The following SPMIP2 variants were observed in gnomAD, a reference collection of about 807,000 sequenced individuals.
SPMIP2 encodes sperm microtubule inner protein 2, also known as protein SPMIP2.
At chr4:159,028,113 T>C in the SPMIP2 span, among the ~76,000 whole-genome samples, 1 of 152,192 alleles carries the variant, frequency 6.6e-6, no homozygotes, top group African/African-American at 2.4e-5. Context: ...CCATCCTTCT[T>C]ACAAGGCTGT....
chr4:159,079,186 T>A, the SPMIP2 span, among the ~76,000 whole-genome samples: 2 of 152,076 alleles, frequency 1.3e-5, no homozygotes, highest in Non-Finnish European at 2.9e-5. Flanking sequence ...TGTGTTTGTG[T>A]CCCTCCCAAA....
At chr4:159,006,577 T>C in the SPMIP2 span, among the ~76,000 whole-genome samples, 40 of 152,304 alleles carry the variant, frequency 2.6e-4, no homozygotes, top group African/African-American at 8.9e-4. Context: ...TTCAACCTAA[T>C]ACTCATTTTT....
the SPMIP2 span, among the ~76,000 whole-genome samples, chr4:158,975,914 ATTC>A: frequency 6.6e-6 from 1 of 152,042 alleles, no homozygotes. Flanking sequence ...CATGATATTG[ATTC>A]TTGTTATCCA....
chr4:158,964,195 A>C, the SPMIP2 span, among the ~76,000 whole-genome samples: 1 of 150,190 alleles, frequency 6.7e-6, no homozygotes. Context: ...AACAAAAAAC[A>C]TGTGGAGGGA....
At chr4:158,999,533 G>A in the SPMIP2 span, among the ~76,000 whole-genome samples, 3 of 152,170 alleles carry the variant, frequency 2.0e-5, no homozygotes, top group Non-Finnish European at 4.4e-5. Flanking sequence ...CCTGCTATCT[G>A]GATTATTGAG....
the SPMIP2 span, among the ~76,000 whole-genome samples, chr4:158,926,473 A>G: frequency 2.6e-5 from 4 of 152,060 alleles, no homozygotes; most frequent in African/African-American, 9.7e-5. Flanking sequence ...AATATTTACA[A>G]ATTTTTAATT....
At chr4:159,064,316 GT>G in the SPMIP2 span, 1 of 152,148 alleles carries the variant, frequency 6.6e-6, no homozygotes. Flanking sequence ...GTCAAGTGCA[GT>G]AGTGAGAAGA....
chr4:159,007,425 T>A, the SPMIP2 span: 1 of 670,388 alleles, frequency 1.5e-6, no homozygotes, highest in Non-Finnish European at 2.8e-6. Flanking sequence ...GTCCTGTTCC[T>A]GCTTGCCCTG....
the SPMIP2 span, among the ~76,000 whole-genome samples, chr4:159,002,766 G>GCACACACACACACACACA: frequency 2.0e-3 from 290 of 148,184 alleles, 2 homozygotes; most frequent in Non-Finnish European, 3.4e-3. Context: ...ACATATCACT[G>GCACACACACACACACACA]CACACACACA....
At chr4:158,973,366 T>C in the SPMIP2 span, 14 of 1,181,116 alleles carry the variant, frequency 1.2e-5, no homozygotes, top group South Asian at 4.4e-5. Flanking sequence ...TAAGATACTT[T>C]TGTTATTTTA....
chr4:159,038,038 C>G, the SPMIP2 span, among the ~76,000 whole-genome samples: 685 of 152,014 alleles, frequency 4.5e-3, 2 homozygotes, highest in Non-Finnish European at 7.9e-3. Flanking sequence ...GTTTATTCAA[C>G]CAGTCCACTA....
the SPMIP2 span, among the ~76,000 whole-genome samples, chr4:159,080,514 A>G: frequency 6.6e-6 from 1 of 152,140 alleles, no homozygotes; most frequent in Admixed American, 6.6e-5. Context: ...CCCCTCATTG[A>G]GCCCCTTAAT....
chr4:158,964,877 A>G, the SPMIP2 span, among the ~76,000 whole-genome samples: 83,035 of 151,944 alleles, frequency 0.55, 24,004 homozygotes, highest in South Asian at 0.65. Flanking sequence ...ATCAGATCTC[A>G]CGAGAACTCA....
chr4:158,983,218 C>T, the SPMIP2 span, among the ~76,000 whole-genome samples: 1 of 151,970 alleles, frequency 6.6e-6, no homozygotes, highest in Non-Finnish European at 1.5e-5. Flanking sequence ...GAGAATGGAA[C>T]CAAGTTGGAA....
the SPMIP2 span, among the ~76,000 whole-genome samples, chr4:159,033,938 C>T: frequency 3.3e-5 from 5 of 152,198 alleles, no homozygotes; most frequent in Admixed American, 3.3e-4. Flanking sequence ...GCCTAGCCAA[C>T]ATGGTGAAAC....
At chr4:158,979,794 T>TG in the SPMIP2 span, among the ~76,000 whole-genome samples, 1 of 73,178 alleles carries the variant, frequency 1.4e-5, no homozygotes, top group Admixed American at 1.6e-4. Flanking sequence ...CAAGAGTTTT[T>TG]TTTTTTTTTT....
chr4:158,961,156 T>C, the SPMIP2 span, among the ~76,000 whole-genome samples: 2 of 152,128 alleles, frequency 1.3e-5, no homozygotes, highest in African/African-American at 2.4e-5. Context: ...TACATTAGTA[T>C]GGGATGCGCT....
chr4:159,079,997 T>C, the SPMIP2 span, among the ~76,000 whole-genome samples: 1 of 152,132 alleles, frequency 6.6e-6, no homozygotes, highest in Non-Finnish European at 1.5e-5. Context: ...TTTTGCTTTA[T>C]TCCATCATCT....
chr4:159,024,405 ACTTTATC>A, the SPMIP2 span, among the ~76,000 whole-genome samples: 1 of 152,192 alleles, frequency 6.6e-6, no homozygotes, highest in Non-Finnish European at 1.5e-5. Flanking sequence ...ACAGTGAGGC[ACTTTATC>A]CTTTATCACT....
Sources: gnomAD v4.1 joint callset for allele counts (sites outside exome capture counted in the v4.1 genomes callset) on GRCh38, gnomAD v4.1.1 for gene constraint, MANE v1.5 for transcripts, NCBI Gene and HGNC (gene_info 2026-07-23, HGNC 2026-07-21) for gene names.